The following ASB11 variants were observed in gnomAD, a reference collection of about 807,000 sequenced individuals.
The protein encoded by ASB11 is ankyrin repeat and SOCS box containing 11, also known as ankyrin repeat and SOCS box protein 11.
Under a neutral mutation model 20.1 loss-of-function variants are expected in ASB11, and 17 were observed. The ratio of observed to expected loss-of-function variants is 0.85; its 90% CI spans 0.58 to 1.27. The LOEUF (loss-of-function observed/expected upper bound fraction) is 1.27, where lower values mean the gene tolerates loss of function less well. Ranked by LOEUF, ASB11 falls within the 50% of genes most tolerant of loss-of-function variation. ASB11 has a pLI of 0.00. For synonymous variants in ASB11, 107 were observed against 105.6 expected, an observed-to-expected ratio of 1.01 and a Z score of -0.08; for missense variants, 259 against 256.9, an observed-to-expected ratio of 1.01 and a Z score of -0.06.
intron 1 of ASB11, among the ~76,000 whole-genome samples, chrX:15,312,372 T>A (rs1333222682): frequency 1.2e-5 from 1 of 80,702 alleles, no homozygotes; most frequent in Non-Finnish European, 2.3e-5. Context: ...ACATATAAAA[T>A]AATGTATTCC....
rs779389617 is a variant in ASB11, at chrX:15,283,467, C to G, written c.*38G>C. On this transcript the variant is annotated 3_prime_UTR_variant, in exon 7 of 7. Coordinates refer to ENST00000480796, the MANE Select transcript of ASB11 (RefSeq NM_080873.3). ...TACTCTAGGTACAGCAGACAACAATCTGTGTCATTCCAAGTATCTTCCCAG... is the reference window on the plus strand; with the variant it reads ...TACTCTAGGTACAGCAGACAACAATGTGTGTCATTCCAAGTATCTTCCCAG... 6 of 1,204,968 alleles carry G rather than the reference C, an allele frequency of 5.0e-6. No individual in the cohort carries two copies. Among genetic ancestry groups the G allele is most frequent in the Non-Finnish European group, 4.5e-6 (4 of 889,750 alleles).
chrX:15,289,283 T>C (rs1927468652), intron 5 of ASB11, among the ~76,000 whole-genome samples: 1 of 112,685 alleles, frequency 8.9e-6, no homozygotes. Context: ...AGCTATCTTG[T>C]GACAACCAGG....
intron 4 of ASB11, among the ~76,000 whole-genome samples, chrX:15,292,610 T>C (rs1368881259): frequency 1.8e-5 from 2 of 112,496 alleles, no homozygotes; most frequent in African/African-American, 6.5e-5. Context: ...TTTGGAAAGT[T>C]GCAGCCTTTT....
chrX:15,293,107 T>C, intron 4 of ASB11, 63 bp downstream of exon 4: 1 of 1,155,600 alleles, frequency 8.7e-7, no homozygotes, highest in South Asian at 2.0e-5. Context: ...CACTAGACCA[T>C]TGATTCATAC....
intron 2 of ASB11, among the ~76,000 whole-genome samples, chrX:15,300,172 G>A (rs1602193073): frequency 8.9e-6 from 1 of 112,203 alleles, no homozygotes; most frequent in South Asian, 3.7e-4. Flanking sequence ...AAACTGTTAC[G>A]GTGCAAAATC....
intron 1 of ASB11, among the ~76,000 whole-genome samples, chrX:15,310,515 CTGTT>C (rs973342478): frequency 1.8e-5 from 2 of 112,016 alleles, no homozygotes; most frequent in Non-Finnish European, 3.8e-5. Flanking sequence ...GTATCTCAGA[CTGTT>C]TGAATGACAA....
intron 1 of ASB11, among the ~76,000 whole-genome samples, chrX:15,314,810 G>A (rs1921562182): frequency 9.0e-6 from 1 of 110,555 alleles, no homozygotes; most frequent in South Asian, 3.8e-4. Flanking sequence ...TGAAAGAAAT[G>A]GACACTATTC....
At chrX:15,300,682 A>ACTATT (rs1921035639) in intron 2 of ASB11, among the ~76,000 whole-genome samples, 1 of 112,036 alleles carries the variant, frequency 8.9e-6, no homozygotes, top group South Asian at 3.7e-4. Context: ...CAGTTTAGTC[A>ACTATT]GTGGTATTGT....
chrX:15,303,381 C>G (rs1032165794), intron 1 of ASB11, among the ~76,000 whole-genome samples: 1 of 111,761 alleles, frequency 8.9e-6, no homozygotes, highest in African/African-American at 3.3e-5. Context: ...GTAAGTTTTA[C>G]GAAAATTTAT....
chrX:15,284,018 C>T (rs188931891), intron 6 of ASB11, among the ~76,000 whole-genome samples: 485 of 109,821 alleles, frequency 4.4e-3, no homozygotes, highest in African/African-American at 0.015. Context: ...TTTGGGAGGC[C>T]AAGGTGGGCG....
intron 1 of ASB11, among the ~76,000 whole-genome samples, chrX:15,306,961 T>C (rs910631955): frequency 5.5e-4 from 61 of 111,805 alleles, no homozygotes; most frequent in African/African-American, 1.9e-3. Flanking sequence ...CCCTGACCAA[T>C]GGAAGAGGCA....
At chrX:15,307,813 CTT>C (rs917175965) in intron 1 of ASB11, among the ~76,000 whole-genome samples, 3 of 112,373 alleles carry the variant, frequency 2.7e-5, no homozygotes, top group African/African-American at 9.7e-5. Context: ...ACTGTGTTCA[CTT>C]TGTGAAAATT....
At chrX:15,286,619 C>A (rs558769149) in intron 6 of ASB11, among the ~76,000 whole-genome samples, 1 of 98,626 alleles carries the variant, frequency 1.0e-5, no homozygotes, top group African/African-American at 3.8e-5. Flanking sequence ...GAGCCGAGAT[C>A]GCACCACTGC....
chrX:15,289,055 C>A (rs1254601700), intron 5 of ASB11, among the ~76,000 whole-genome samples: 1 of 111,923 alleles, frequency 8.9e-6, no homozygotes, highest in Non-Finnish European at 1.9e-5. Flanking sequence ...CCTAGATTTC[C>A]CAAAGGTAAA....
At chrX:15,297,809 T>G in intron 2 of ASB11, 128 bp from the exon 3 acceptor site, 1 of 581,056 alleles carries the variant, frequency 1.7e-6, no homozygotes, top group Admixed American at 3.2e-5. Flanking sequence ...TAGCTGGGAT[T>G]TCAAGTGCAA....
At chrX:15,291,023 T>G (rs1380680253) in intron 4 of ASB11, among the ~76,000 whole-genome samples, 3 of 111,884 alleles carry the variant, frequency 2.7e-5, no homozygotes, top group Non-Finnish European at 5.6e-5. Flanking sequence ...TGAATAATTC[T>G]TGTCTTTTTT....
intron 4 of ASB11, among the ~76,000 whole-genome samples, chrX:15,290,533 G>A (rs1293346258): frequency 8.9e-6 from 1 of 112,240 alleles, no homozygotes; most frequent in East Asian, 2.8e-4. Flanking sequence ...AACTATGTAA[G>A]CAAGCATTCT....
chrX:15,304,380 G>A (rs1005195024), intron 1 of ASB11, among the ~76,000 whole-genome samples: 7 of 112,437 alleles, frequency 6.2e-5, no homozygotes, highest in African/African-American at 2.3e-4. Flanking sequence ...TACGAGGTTG[G>A]ATTGATATTG....
At chrX:15,309,106 G>A (rs1168026863) in intron 1 of ASB11, among the ~76,000 whole-genome samples, 9 of 110,698 alleles carry the variant, frequency 8.1e-5, no homozygotes, top group Non-Finnish European at 1.7e-4. Context: ...TAGTAGAGAC[G>A]GGATTTCGCC....
Sources: gnomAD v4.1 joint callset for allele counts (sites outside exome capture counted in the v4.1 genomes callset) on GRCh38, gnomAD v4.1.1 for gene constraint, MANE v1.5 for transcripts, NCBI Gene and HGNC (gene_info 2026-07-23, HGNC 2026-07-21) for gene names.